THOC2: variants seen among roughly 807,000 people sequenced by gnomAD.
The protein encoded by THOC2 is THO complex 2.
THOC2 carries 10 observed loss-of-function variants against 128.4 expected under a neutral mutation model. The ratio of observed to expected loss-of-function variants is 0.08; its 90% confidence interval spans 0.05 to 0.13. THOC2 has a LOEUF of 0.13. THOC2 is among the 10% of genes least tolerant of loss of function. THOC2 has a pLI of 1.00. For missense variants in THOC2, 535 were observed against 1,155.7 expected (o/e 0.46, Z 7.79); for synonymous variants, 393 against 396.9 (o/e 0.99, Z 0.12).
rs923938676 is a variant in THOC2, at chrX:123,618,942, A to C, written c.4311+459T>G. On this transcript the variant is annotated intron_variant, in intron 33 of 38. Transcript: ENST00000245838. ...AGCAGAGGATATATAAAGAATTTTTATAGATTGAGATGAGTTCCATTTTTA... is the reference window on the plus strand; with the variant it reads ...AGCAGAGGATATATAAAGAATTTTTCTAGATTGAGATGAGTTCCATTTTTA... Among the ~76,000 whole-genome samples, 13 of 112,159 alleles carry C rather than the reference A, an allele frequency of 1.2e-4. 1 individual carries two copies. The highest frequency in any genetic ancestry group is 2.1e-4 in the Non-Finnish European group (11 of 53,086).
At chrX:123,702,762 C>CA (rs2050759628) in intron 4 of THOC2, among the ~76,000 whole-genome samples, 1 of 107,080 alleles carries the variant, frequency 9.3e-6, no homozygotes, top group African/African-American at 3.4e-5. Flanking sequence ...GACCATGTCT[C>CA]AAAAAAGAGA....
chrX:123,657,952 C>T (rs900850557), intron 12 of THOC2, among the ~76,000 whole-genome samples: 5 of 89,910 alleles, frequency 5.6e-5, no homozygotes, highest in African/African-American at 1.7e-4. Context: ...TGATTACATA[C>T]GCATATGCGT....
At chrX:123,676,753 T>C (rs764986849) in intron 8 of THOC2, among the ~76,000 whole-genome samples, 1 of 111,729 alleles carries the variant, frequency 9.0e-6, no homozygotes, top group Non-Finnish European at 1.9e-5. Context: ...CATATACATG[T>C]AGGTGAGCCT....
chrX:123,730,281 C>T (rs909186295), intron 1 of THOC2, among the ~76,000 whole-genome samples: 1 of 110,732 alleles, frequency 9.0e-6, no homozygotes, highest in African/African-American at 3.3e-5. Context: ...CAGATTCAAG[C>T]GATTCTCCCG....
intron 7 of THOC2, among the ~76,000 whole-genome samples, chrX:123,689,520 G>A (rs2050135583): frequency 9.0e-6 from 1 of 111,283 alleles, no homozygotes; most frequent in African/African-American, 3.3e-5. Flanking sequence ...TCACACTCCT[G>A]GGCTCAAGTG....
intron 7 of THOC2, among the ~76,000 whole-genome samples, chrX:123,695,438 T>C (rs955736126): frequency 3.6e-5 from 4 of 112,167 alleles, no homozygotes; most frequent in African/African-American, 1.3e-4. Context: ...GGGAGAATAA[T>C]AACTTTCCTA....
chrX:123,624,063 G>T lies in THOC2; in HGVS notation c.3315C>A (p.Thr1105=). 1 of 1,186,693 alleles carries T rather than the reference G, an allele frequency of 8.4e-7. No homozygotes were observed. The highest frequency in any genetic ancestry group is 1.8e-5 in the African/African-American group (1 of 55,981). The change falls in exon 27 of 39, where the codon ACC becomes ACA. Residue 1105 remains threonine, a synonymous_variant. Coordinates refer to ENST00000245838, the MANE Select transcript of THOC2 (RefSeq NM_001081550.2). ...AAAAATCCAATTTTTTTTTTACCTTGGTTAGTTTGTAATGCCATTTATGTA... is the reference window on the plus strand; with the variant it reads ...AAAAATCCAATTTTTTTTTTACCTTTGTTAGTTTGTAATGCCATTTATGTA... ...HVVHKWHYKL[T]KASVHCLETG...
At chrX:123,636,466 T>C (rs1457097591) in intron 18 of THOC2, among the ~76,000 whole-genome samples, 1 of 112,064 alleles carries the variant, frequency 8.9e-6, no homozygotes, top group Non-Finnish European at 1.9e-5. Context: ...AACTTGCTCA[T>C]GGTCACGTAG....
intron 2 of THOC2, among the ~76,000 whole-genome samples, chrX:123,709,577 C>T (rs920682087): frequency 8.1e-5 from 9 of 111,223 alleles, no homozygotes; most frequent in Middle Eastern, 4.7e-3. Flanking sequence ...GGCGATAGAG[C>T]GGGAGACTCT....
At chrX:123,683,476 G>T (rs764249593) in intron 8 of THOC2, among the ~76,000 whole-genome samples, 1 of 111,371 alleles carries the variant, frequency 9.0e-6, no homozygotes, top group African/African-American at 3.3e-5. Context: ...CATCACCTAA[G>T]CAGTTCCTGA....
chrX:123,719,894 A>G (rs191142562), intron 1 of THOC2, among the ~76,000 whole-genome samples: 211 of 111,407 alleles, frequency 1.9e-3, no homozygotes, highest in Admixed American at 4.1e-3. Flanking sequence ...TCACTACAGC[A>G]CTCCAGCCTG....
At chrX:123,659,662 T>C (rs141602371) in intron 12 of THOC2, among the ~76,000 whole-genome samples, 262 of 112,743 alleles carry the variant, frequency 2.3e-3, no homozygotes, top group Non-Finnish European at 3.9e-3. Flanking sequence ...TCCTATATAC[T>C]ACATACCTCA....
intron 26 of THOC2, 91 bp from the exon 27 acceptor site, chrX:123,624,282 C>T (rs1041990491): frequency 3.1e-5 from 27 of 880,278 alleles, no homozygotes; most frequent in Admixed American, 1.5e-4. Flanking sequence ...TCAATGTTTC[C>T]GTGTAAAAAC....
Position 123,686,551 on chromosome X carries a change from G to A in THOC2, c.765C>T (p.Tyr255=), listed in dbSNP as rs1431001949. 7 of 1,185,822 alleles carry A rather than the reference G, an allele frequency of 5.9e-6. No individual in the cohort carries two copies. Among genetic ancestry groups the A allele is most frequent in the Non-Finnish European group, 6.8e-6 (6 of 881,531 alleles). ...ATACATACACGTTTTTCTTTACCTG[G>A]TAAAACTTGAATTTGAACCCAAGAA... is the stretch of plus-strand genomic sequence containing the variant. The part of the protein sequence containing the change: ...CHILGFKFKF[Y]QEPNGETPSS... Residue 255 remains tyrosine, a synonymous_variant, in exon 8 of 39, where the codon TAC becomes TAT. Coordinates refer to ENST00000245838, the MANE Select transcript of THOC2 (RefSeq NM_001081550.2).
intron 8 of THOC2, among the ~76,000 whole-genome samples, chrX:123,678,737 T>C (rs1395849403): frequency 1.8e-5 from 2 of 110,524 alleles, no homozygotes; most frequent in African/African-American, 3.3e-5. Context: ...ATGTGGTCCA[T>C]TGTTGACCGA....
chrX:123,686,001 T>C (rs1224455117), intron 8 of THOC2, among the ~76,000 whole-genome samples: 1 of 111,534 alleles, frequency 9.0e-6, no homozygotes, highest in African/African-American at 3.3e-5. Context: ...GAGACTAGTC[T>C]GGGTGAGATC....
Position 123,627,682 on chromosome X carries a change from CA to C in THOC2, c.2757+10del, listed in dbSNP as rs1569340788. 8.3e-7 allele frequency: 1 copy of C among 1,208,810 alleles called. No homozygotes were observed. Among genetic ancestry groups the C allele is most frequent in the African/African-American group, 1.7e-5 (1 of 57,767 alleles). On this transcript the variant is annotated intron_variant, in intron 23 of 38. Coordinates refer to ENST00000245838, the MANE Select transcript of THOC2 (RefSeq NM_001081550.2). Reference sequence around the variant, plus strand: ...AGTTATTGCACTTGAACTACTAGAACAAAAACCTACCATTTCCTGATTGTCA... The same window carrying C: ...AGTTATTGCACTTGAACTACTAGAACAAAACCTACCATTTCCTGATTGTCA...
intron 12 of THOC2, among the ~76,000 whole-genome samples, chrX:123,648,562 G>A (rs1053198746): frequency 8.0e-5 from 9 of 112,542 alleles, no homozygotes; most frequent in African/African-American, 2.3e-4. Flanking sequence ...AAGATGCACC[G>A]GCTTGACATT....
intron 16 of THOC2, among the ~76,000 whole-genome samples, chrX:123,639,765 T>C (rs1472912770): frequency 9.0e-6 from 1 of 111,528 alleles, no homozygotes; most frequent in Non-Finnish European, 1.9e-5. Context: ...ATGCAATACA[T>C]CCATGTAATA....
Sources: gnomAD v4.1 joint callset for allele counts (sites outside exome capture counted in the v4.1 genomes callset) on GRCh38, gnomAD v4.1.1 for gene constraint, MANE v1.5 for transcripts, NCBI Gene and HGNC (gene_info 2026-07-23, HGNC 2026-07-21) for gene names.